Variants in GFRA1 observed in about 807,000 individuals in gnomAD.
GFRA1 encodes the protein GDNF family receptor alpha-1.
Under a neutral mutation model 51.6 loss-of-function variants are expected in GFRA1, and 16 were observed. The observed-to-expected ratio is 0.31, with a 90% CI of 0.21 to 0.47. GFRA1 has a LOEUF of 0.47. Among genes scored for constraint, GFRA1 ranks in the 20% least tolerant of loss-of-function variants. GFRA1 has a pLI of 1.00. For missense variants in GFRA1, 530 were observed against 594.3 expected (o/e 0.89, Z 1.13); for synonymous variants, 270 against 241.3 (o/e 1.12, Z -1.10).
chr10:116,207,478 G>A (rs181169564), intron 5 of GFRA1, among the ~76,000 whole-genome samples: 1 of 152,312 alleles, frequency 6.6e-6, no homozygotes, highest in East Asian at 1.9e-4. Context: ...GCCACCCATG[G>A]CAAATGGGCA....
intron 4 of GFRA1, among the ~76,000 whole-genome samples, chr10:116,223,645 G>A (rs962709928): frequency 1.2e-4 from 19 of 152,188 alleles, no homozygotes; most frequent in African/African-American, 4.6e-4. Flanking sequence ...GCTGTACACA[G>A]GGAGGACCAC....
chr10:116,214,805 A>G (rs1370695873), intron 4 of GFRA1, among the ~76,000 whole-genome samples: 1 of 152,248 alleles, frequency 6.6e-6, no homozygotes, highest in Non-Finnish European at 1.5e-5. Context: ...ACTCAAAAGT[A>G]TCAGTGGACA....
chr10:116,083,668 G>A (rs771997839), intron 9 of GFRA1, among the ~76,000 whole-genome samples: 2 of 152,084 alleles, frequency 1.3e-5, no homozygotes, highest in Non-Finnish European at 2.9e-5. Context: ...TGGTAGGCTT[G>A]GATAATTGCC....
chr10:116,176,524 T>C (rs1961615094), intron 5 of GFRA1, among the ~76,000 whole-genome samples: 1 of 152,282 alleles, frequency 6.6e-6, no homozygotes, highest in South Asian at 2.1e-4. Flanking sequence ...CATCAAATGC[T>C]GCTCCCCCTT....
At position 116,136,357 on chromosome 10, in the gene GFRA1, C is replaced by T. The variant is rs146396482; in HGVS notation, c.434-10800G>A. On this transcript the variant is annotated intron_variant, in intron 5 of 10. Coordinates refer to ENST00000355422, the MANE Select transcript of GFRA1 (RefSeq NM_005264.8). The stretch of plus-strand genomic sequence containing the variant: ...TAGCTCCACTAATATTTAGCCTGTG[C>T]GAGCTCCACTGATATTTAGCTATTT... Among the ~76,000 whole-genome samples, 803 of 152,264 alleles carry T rather than the reference C, an allele frequency of 5.3e-3. 5 individuals carry two copies. The highest frequency in any genetic ancestry group is 9.1e-3 in the Non-Finnish European group (618 of 68,026).
At chr10:116,069,631 C>T (rs980116297) in intron 9 of GFRA1, among the ~76,000 whole-genome samples, 10 of 152,210 alleles carry the variant, frequency 6.6e-5, no homozygotes, top group Non-Finnish European at 4.4e-5. Flanking sequence ...TTGCCAGTCC[C>T]TGGCACCAGA....
intron 5 of GFRA1, among the ~76,000 whole-genome samples, chr10:116,211,382 C>T (rs890421689): frequency 1.3e-5 from 2 of 152,180 alleles, no homozygotes; most frequent in South Asian, 2.1e-4. Flanking sequence ...CCTCTCCAAG[C>T]GTCTCTGCCC....
At chr10:116,173,802 C>T (rs181192183) in intron 5 of GFRA1, among the ~76,000 whole-genome samples, 2,255 of 152,232 alleles carry the variant, frequency 0.015, 22 homozygotes, top group Middle Eastern at 0.054. Flanking sequence ...GTTGGCCCGG[C>T]GCGGTGGCTT....
At chr10:116,150,034 A>G (rs901907362) in intron 5 of GFRA1, among the ~76,000 whole-genome samples, 2 of 151,962 alleles carry the variant, frequency 1.3e-5, no homozygotes, top group Non-Finnish European at 2.9e-5. Flanking sequence ...CCAACTCACC[A>G]CTCTTCATGG....
intron 4 of GFRA1, among the ~76,000 whole-genome samples, chr10:116,267,940 A>G (rs1477143033): frequency 6.8e-6 from 1 of 146,492 alleles, no homozygotes; most frequent in Non-Finnish European, 1.5e-5. Context: ...CTGACAGACT[A>G]ACACACACAC....
At chr10:116,069,971 C>T (rs1955301970) in intron 9 of GFRA1, among the ~76,000 whole-genome samples, 1 of 152,096 alleles carries the variant, frequency 6.6e-6, no homozygotes, top group Non-Finnish European at 1.5e-5. Flanking sequence ...GTAGAGAAGC[C>T]AGTATTTAAG....
chr10:116,175,247 G>C (rs558059854), intron 5 of GFRA1, among the ~76,000 whole-genome samples: 1 of 152,148 alleles, frequency 6.6e-6, no homozygotes, highest in Non-Finnish European at 1.5e-5. Flanking sequence ...AATAGTGTCT[G>C]TTCTGTGCCT....
chr10:116,102,480 T>G (rs1348110062), intron 6 of GFRA1, among the ~76,000 whole-genome samples: 1 of 152,178 alleles, frequency 6.6e-6, no homozygotes, highest in Non-Finnish European at 1.5e-5. Context: ...GACCACTGTA[T>G]TAGTCCGTTT....
rs980369847 is a variant in GFRA1, at chr10:116,063,614, T to C, written c.*784A>G. On this transcript the variant is annotated 3_prime_UTR_variant, in exon 11 of 11. Coordinates refer to ENST00000355422, the MANE Select transcript of GFRA1 (RefSeq NM_005264.8). ...GTATTAGAGCGACATTTCAGCTATA[T>C]TGGACTTTTGTTAGGTAAAGGGCTT... 2.0e-5 allele frequency: 3 copies of C among 152,234 alleles called. No homozygotes were observed. The highest frequency in any genetic ancestry group is 1.3e-4 in the Admixed American group (2 of 15,282). 9.4% of individuals were successfully genotyped at this position (152,234 alleles called of 1,614,324 possible).
At chr10:116,180,986 T>C (rs1345205087) in intron 5 of GFRA1, among the ~76,000 whole-genome samples, 1 of 152,168 alleles carries the variant, frequency 6.6e-6, no homozygotes, top group Non-Finnish European at 1.5e-5. Flanking sequence ...TCCATCCTTC[T>C]AAATCACCCC....
chr10:116,242,544 C>T (rs912896100), intron 4 of GFRA1, among the ~76,000 whole-genome samples: 3 of 150,826 alleles, frequency 2.0e-5, no homozygotes, highest in African/African-American at 4.9e-5. Flanking sequence ...TGCAGTGGTG[C>T]GGTCTTGGCT....
At chr10:116,093,934 G>C in intron 7 of GFRA1, 98 bp from the exon 8 acceptor site, 1 of 1,115,740 alleles carries the variant, frequency 9.0e-7, no homozygotes, top group African/African-American at 1.5e-5. Flanking sequence ...ATGCACCGTG[G>C]ATAATTACAG....
chr10:116,266,910 TTAGAGATTATTTA>T (rs1969701804), intron 4 of GFRA1, among the ~76,000 whole-genome samples: 1 of 152,152 alleles, frequency 6.6e-6, no homozygotes, highest in South Asian at 2.1e-4. Flanking sequence ...ACTGTAACGA[TTAGAGATTATTTA>T]CTCCAATTGC....
At chr10:116,092,727 G>T (rs1233271107) in intron 8 of GFRA1, among the ~76,000 whole-genome samples, 3 of 152,224 alleles carry the variant, frequency 2.0e-5, no homozygotes, top group Non-Finnish European at 4.4e-5. Context: ...TTACTCAGCT[G>T]TATGGCAGGA....
Sources: allele counts gnomAD v4.1 joint callset (sites outside exome capture counted in the v4.1 genomes callset), GRCh38; gene constraint gnomAD v4.1.1; transcripts MANE v1.5; gene names NCBI Gene and HGNC (gene_info 2026-07-23, HGNC 2026-07-21).